Variants in NOS1AP observed in about 807,000 individuals in gnomAD.
The protein encoded by NOS1AP is carboxyl-terminal PDZ ligand of neuronal nitric oxide synthase protein.
A neutral mutation model predicts 56.2 loss-of-function variants in NOS1AP; 21 were observed. The ratio of observed to expected loss-of-function variants is 0.37; its 90% CI spans 0.26 to 0.54. The LOEUF (loss-of-function observed/expected upper bound fraction) is 0.54. Among genes scored for constraint, NOS1AP ranks in the 20% least tolerant of loss-of-function variants. The pLI, the probability that NOS1AP is intolerant of heterozygous loss-of-function variation, is 0.84. For missense variants in NOS1AP, 522 were observed against 657.8 expected (o/e 0.79, Z 2.26); for synonymous variants, 270 against 274.6 (o/e 0.98, Z 0.17).
chr1:162,177,724 T>A (rs779777909), intron 2 of NOS1AP, among the ~76,000 whole-genome samples: 13 of 152,240 alleles, frequency 8.5e-5, no homozygotes, highest in Non-Finnish European at 1.6e-4. Flanking sequence ...TTAGCAAAAT[T>A]GAATGGAAAG....
intron 2 of NOS1AP, among the ~76,000 whole-genome samples, chr1:162,176,561 T>G (rs1288262777): frequency 2.2e-5 from 3 of 133,550 alleles, no homozygotes; most frequent in Non-Finnish European, 3.1e-5. Context: ...CAGGCTGGAG[T>G]GCAGTGGTGT....
chr1:162,154,580 T>C, intron 2 of NOS1AP, 104 bp downstream of exon 2: 1 of 976,526 alleles, frequency 1.0e-6, no homozygotes, highest in East Asian at 2.5e-5. Context: ...CTACACCCCT[T>C]GCAAACCCAA....
At chr1:162,152,516 G>A (rs1001292139) in intron 1 of NOS1AP, among the ~76,000 whole-genome samples, 6 of 152,232 alleles carry the variant, frequency 3.9e-5, no homozygotes, top group African/African-American at 9.6e-5. Flanking sequence ...AGACTGTACC[G>A]CCTCAGCAGA....
intron 2 of NOS1AP, among the ~76,000 whole-genome samples, chr1:162,199,323 A>G (rs556852969): frequency 5.2e-4 from 79 of 152,322 alleles, no homozygotes; most frequent in African/African-American, 1.8e-3. Flanking sequence ...CCGCTGCTGC[A>G]TGCCGGTTAC....
chr1:162,077,269 G>A (rs1229427054), intron 1 of NOS1AP, among the ~76,000 whole-genome samples: 1 of 151,924 alleles, frequency 6.6e-6, no homozygotes, highest in African/African-American at 2.4e-5. Context: ...GTGTGAAGTG[G>A]GATTTCATCA....
At chr1:162,319,727 G>A (rs1364913818) in intron 4 of NOS1AP, among the ~76,000 whole-genome samples, 2 of 151,968 alleles carry the variant, frequency 1.3e-5, no homozygotes, top group African/African-American at 2.4e-5. Flanking sequence ...GCTCCTGCCA[G>A]ATGGCACACA....
At chr1:162,181,363 GTTA>G (rs1651250186) in intron 2 of NOS1AP, among the ~76,000 whole-genome samples, 1 of 152,214 alleles carries the variant, frequency 6.6e-6, no homozygotes, top group Non-Finnish European at 1.5e-5. Flanking sequence ...AGGATGTCAT[GTTA>G]TTATGTAGTG....
intron 2 of NOS1AP, among the ~76,000 whole-genome samples, chr1:162,163,582 G>A (rs116488608): frequency 3.3e-4 from 51 of 152,250 alleles, no homozygotes; most frequent in African/African-American, 1.0e-3. Flanking sequence ...GATGACACTT[G>A]AGTCTCTAGA....
intron 2 of NOS1AP, among the ~76,000 whole-genome samples, chr1:162,260,555 A>G (rs1177920650): frequency 1.3e-5 from 2 of 152,338 alleles, no homozygotes; most frequent in Admixed American, 6.5e-5. Context: ...ATGACATTTG[A>G]TGACTAACAC....
chr1:162,212,748 A>G (rs1652412914), intron 2 of NOS1AP, among the ~76,000 whole-genome samples: 1 of 152,154 alleles, frequency 6.6e-6, no homozygotes. Context: ...GAGGATAGCC[A>G]TGAGATGGCT....
chr1:162,277,241 G>T (rs1654772740), intron 2 of NOS1AP, among the ~76,000 whole-genome samples: 1 of 152,156 alleles, frequency 6.6e-6, no homozygotes, highest in Non-Finnish European at 1.5e-5. Context: ...CAGTTTTATT[G>T]TAAGAAACTA....
chr1:162,113,391 G>C (rs1336562066), intron 1 of NOS1AP, among the ~76,000 whole-genome samples: 1 of 152,156 alleles, frequency 6.6e-6, no homozygotes, highest in South Asian at 2.1e-4. Flanking sequence ...GTGTTGTCGG[G>C]CAAAGGCTGC....
At chr1:162,114,832 T>C (rs1366909885) in intron 1 of NOS1AP, among the ~76,000 whole-genome samples, 2 of 152,244 alleles carry the variant, frequency 1.3e-5, no homozygotes, top group Non-Finnish European at 2.9e-5. Context: ...TTTGCGTCTA[T>C]GTGACCTCTC....
At chr1:162,155,288 A>G (rs57865224) in intron 2 of NOS1AP, among the ~76,000 whole-genome samples, 139,844 of 141,836 alleles carry the variant, frequency 0.99, 68,964 homozygotes, top group Non-Finnish European at 1. Context: ...ACACATATAT[A>G]CATATATATG....
intron 2 of NOS1AP, among the ~76,000 whole-genome samples, chr1:162,179,349 C>T (rs967999409): frequency 1.3e-5 from 2 of 152,096 alleles, no homozygotes; most frequent in African/African-American, 2.4e-5. Context: ...GCTAGGAAGC[C>T]GGCTAGCTGG....
intron 2 of NOS1AP, among the ~76,000 whole-genome samples, chr1:162,244,327 CTG>C (rs924644064): frequency 1.3e-5 from 2 of 152,178 alleles, no homozygotes; most frequent in African/African-American, 4.8e-5. Context: ...TTCTCAAGGA[CTG>C]TTCTCTTAAA....
In NOS1AP at chr1:162,370,320, C is replaced by G. The variant is rs530574943; in HGVS notation, c.*2853C>G. 2.0e-5 allele frequency: 3 copies of G among 152,160 alleles called. No homozygotes were observed. Among genetic ancestry groups the G allele is most frequent in the Non-Finnish European group, 2.9e-5 (2 of 68,056 alleles). The allele number at this position is 152,160 out of a possible 1,614,324, so 9.4% of individuals were successfully genotyped here. ...TTTGCTTGACTGCTTCCTCCTAACCCTCTACCCACTAGCACTCTACTTCCT... is the reference window on the plus strand; with the variant it reads ...TTTGCTTGACTGCTTCCTCCTAACCGTCTACCCACTAGCACTCTACTTCCT... On this transcript the variant is annotated 3_prime_UTR_variant, in exon 10 of 10. Coordinates refer to ENST00000361897, the MANE Select transcript of NOS1AP (RefSeq NM_014697.3).
At chr1:162,366,248 T>C (rs1242532518) in intron 9 of NOS1AP, among the ~76,000 whole-genome samples, 1 of 152,174 alleles carries the variant, frequency 6.6e-6, no homozygotes, top group Non-Finnish European at 1.5e-5. Flanking sequence ...GTGTGTGGGC[T>C]GTGGACCAGC....
At chr1:162,254,930 T>C (rs1475148060) in intron 2 of NOS1AP, among the ~76,000 whole-genome samples, 1 of 152,238 alleles carries the variant, frequency 6.6e-6, no homozygotes, top group Non-Finnish European at 1.5e-5. Flanking sequence ...TAGATCTTTC[T>C]CCAAGTCCAT....
Sources: gnomAD v4.1 joint callset for allele counts (sites outside exome capture counted in the v4.1 genomes callset) on GRCh38, gnomAD v4.1.1 for gene constraint, MANE v1.5 for transcripts, NCBI Gene and HGNC (gene_info 2026-07-23, HGNC 2026-07-21) for gene names.